LARS1: variants seen among roughly 807,000 people sequenced by gnomAD.
LARS1 encodes leucyl-tRNA synthetase 1, also known as leucine--tRNA ligase, cytoplasmic.
In LARS1, 100 loss-of-function variants were observed where a neutral mutation model predicts 162.8. The ratio of observed to expected loss-of-function variants is 0.61; its 90% confidence interval spans 0.52 to 0.73. The LOEUF is 0.73. LARS1 is among the 30% of genes least tolerant of loss of function. The probability of loss-of-function intolerance (pLI) is 0.00; values close to 1 mark genes in which losing one functional copy is unlikely to be tolerated. For synonymous variants in LARS1, 457 were observed against 462.8 expected (o/e 0.99, Z 0.16); for missense variants, 1,258 against 1,408.9 (o/e 0.89, Z 1.71).
chr5:146,178,390 G>A (rs1282928467), intron 1 of LARS1, among the ~76,000 whole-genome samples: 2 of 152,086 alleles, frequency 1.3e-5, no homozygotes, highest in East Asian at 3.9e-4. Context: ...GAGGTGAGAG[G>A]ATCACCTGAG....
At chr5:146,149,075 CA>C (rs879283325) in intron 15 of LARS1, among the ~76,000 whole-genome samples, 8 of 144,438 alleles carry the variant, frequency 5.5e-5, no homozygotes, top group Middle Eastern at 3.5e-3. Flanking sequence ...AACTCCATCT[CA>C]AAAAAAAAAG....
At chr5:146,141,570 A>G (rs34774165) in intron 20 of LARS1, among the ~76,000 whole-genome samples, 33,822 of 152,006 alleles carry the variant, frequency 0.22, 4,814 homozygotes, top group Admixed American at 0.34. Flanking sequence ...TTGGGAGGCC[A>G]AGACAGGAGG....
chr5:146,148,415 A>G (rs1034167515), intron 15 of LARS1, among the ~76,000 whole-genome samples: 2 of 152,228 alleles, frequency 1.3e-5, no homozygotes, highest in African/African-American at 4.8e-5. Context: ...GTTGGAAAAG[A>G]GTTGAGAAAT....
chr5:146,130,680 T>A (rs943364388), intron 24 of LARS1: 2 of 192,974 alleles, frequency 1.0e-5, no homozygotes, highest in Non-Finnish European at 2.1e-5. Context: ...ACGCTTGCTC[T>A]CAAATTAATG....
At chr5:146,163,133 G>C (rs1268893414) in intron 6 of LARS1, among the ~76,000 whole-genome samples, 1 of 152,148 alleles carries the variant, frequency 6.6e-6, no homozygotes, top group Non-Finnish European at 1.5e-5. Context: ...TTCTATTATG[G>C]AAATGGCTTC....
At position 146,164,446 on chromosome 5, in the gene LARS1, G is replaced by A; in HGVS notation, c.458C>T (p.Ser153Phe). The change falls in exon 6 of 32, where the codon TCT becomes TTT. Residue 153 changes from serine to phenylalanine, a missense_variant. Ser to Phe is a radical substitution (Grantham distance 155, BLOSUM62 -2). Transcript: ENST00000394434. Reference sequence around the variant, plus strand: ...CATAATGCCCCACTGGTATTTAGAAGATCCAGCTTTAGCAGCAGCTTTACT... The same window carrying A: ...CATAATGCCCCACTGGTATTTAGAAAATCCAGCTTTAGCAGCAGCTTTACT... Reference protein sequence around the residue: ...KKSKAAAKAGSSKYQWGIMKS... With the variant: ...KKSKAAAKAGFSKYQWGIMKS... 6.2e-7 allele frequency: 1 copy of A among 1,613,972 alleles called. No individual in the cohort carries two copies. The highest frequency in any genetic ancestry group is 8.5e-7 in the Non-Finnish European group (1 of 1,179,916).
rs1581104255 is a variant in LARS1 at position 146,182,570 on chromosome 5, T to C, written c.-77A>G. 1.9e-6 allele frequency: 3 copies of C among 1,590,552 alleles called. No individual in the cohort carries two copies. The highest frequency in any genetic ancestry group is 4.5e-5 in the East Asian group (2 of 44,732). On this transcript the variant is annotated 5_prime_UTR_variant, in exon 1 of 32. Transcript: ENST00000394434. ...CACAAAGGAGTGGTTACCTTTCCCCTCCCTCTCGGGGATGCCAGGCCTCCC... is the reference window on the plus strand; with the variant it reads ...CACAAAGGAGTGGTTACCTTTCCCCCCCCTCTCGGGGATGCCAGGCCTCCC...
In LARS1 at chr5:146,120,383, G is replaced by A. The variant is rs369437593; in HGVS notation, c.3313C>T (p.Arg1105Ter). The change falls in exon 31 of 32, where the codon CGA becomes TGA. Residue 1105 changes from arginine (R) to a stop codon, truncating the protein, a stop_gained. Coordinates refer to ENST00000394434, the MANE Select transcript of LARS1 (RefSeq NM_020117.11). LOFTEE classifies it high-confidence loss of function. Reference sequence around the variant, plus strand: ...GGGAACAACTTACCTTTAATTCCTCGATTCATTTTCATTAAACGCCTGATT... The same window carrying A: ...GGGAACAACTTACCTTTAATTCCTCAATTCATTTTCATTAAACGCCTGATT... ...SIIRRLMKMN[R>*]GIKDLSKVKL... 9.3e-6 allele frequency: 15 copies of A among 1,612,694 alleles called. No homozygotes were observed. Among genetic ancestry groups the A allele is most frequent in the Middle Eastern group, 1.6e-4 (1 of 6,068 alleles).
chr5:146,151,933 G>A lies in LARS1; in HGVS notation c.1354C>T (p.Gln452Ter). The change falls in exon 14 of 32, where the codon CAG becomes TAG. Residue 452 changes from glutamine to a stop codon, truncating the protein, a stop_gained. Transcript: ENST00000394434. LOFTEE classifies it high-confidence loss of function. The part of the protein sequence containing the change: ...AVTICDELKI[Q>*]SQNDREKLAE... ...AGTTTTTCCCGGTCATTCTGGCTCT[G>A]AATTTTCAACTCATCACAAATGGTT... 1 of 1,614,020 alleles carries A rather than the reference G, an allele frequency of 6.2e-7. No individual in the cohort carries two copies. The highest frequency in any genetic ancestry group is 1.7e-5 in the Admixed American group (1 of 60,006).
At chr5:146,128,643 A>AG (rs1351311207) in intron 27 of LARS1, 29 bp downstream of exon 27, 1 of 1,433,496 alleles carries the variant, frequency 7.0e-7, no homozygotes, top group East Asian at 2.5e-5. Flanking sequence ...CAACACCATC[A>AG]GGGGGGAAAA....
chr5:146,144,193 G>A (rs929776289), intron 18 of LARS1, 74 bp downstream of exon 18: 2 of 1,099,686 alleles, frequency 1.8e-6, no homozygotes, highest in African/African-American at 3.2e-5. Flanking sequence ...GAGGGCAGGG[G>A]GGAAAGGTAA....
intron 2 of LARS1, among the ~76,000 whole-genome samples, chr5:146,173,736 C>T (rs1469270401): frequency 6.6e-6 from 1 of 151,912 alleles, no homozygotes; most frequent in Non-Finnish European, 1.5e-5. Flanking sequence ...ACTTATGAAT[C>T]CACTGAAACT....
At chr5:146,122,890 C>A (rs769471756) in intron 29 of LARS1, among the ~76,000 whole-genome samples, 1 of 151,826 alleles carries the variant, frequency 6.6e-6, no homozygotes. Context: ...CCACTTAAGA[C>A]AAATGGAAGT....
chr5:146,143,023 T>A lies in LARS1; in HGVS notation c.1939A>T (p.Lys647Ter). The change falls in exon 20 of 32, where the codon AAG becomes TAG. Residue 647 changes from lysine to a stop codon, truncating the protein, a stop_gained. Transcript: ENST00000394434. LOFTEE classifies it high-confidence loss of function. ...YVFFKEAPFP[K>*]TQIAKEKLDQ... is the part of the protein sequence containing the mutation. ...AATTTTTCCTTTGCAATCTGAGTCT[T>A]AGGAAATGGAGCCTCCTTGAAGAAA... is the stretch of plus-strand genomic sequence containing the variant. 1 of 1,614,010 alleles carries A rather than the reference T, an allele frequency of 6.2e-7. No individual in the cohort carries two copies. The highest frequency in any genetic ancestry group is 2.2e-5 in the East Asian group (1 of 44,870).
At chr5:146,119,897 TAAG>T (rs1751742529) in intron 31 of LARS1, among the ~76,000 whole-genome samples, 1 of 152,106 alleles carries the variant, frequency 6.6e-6, no homozygotes, top group South Asian at 2.1e-4. Flanking sequence ...AGGGAAATAA[TAAG>T]AATACCCTCT....
At chr5:146,144,754 A>C in intron 15 of LARS1, 45 bp from the exon 16 acceptor site, 1 of 1,494,048 alleles carries the variant, frequency 6.7e-7, no homozygotes, top group Non-Finnish European at 9.3e-7. Flanking sequence ...ATGTCAAATC[A>C]ATCTTCATTC....
intron 27 of LARS1, 29 bp downstream of exon 27, chr5:146,128,643 A>C: frequency 2.8e-6 from 4 of 1,433,498 alleles, no homozygotes; most frequent in Non-Finnish European, 3.8e-6. Flanking sequence ...CAACACCATC[A>C]GGGGGGAAAA....
intron 21 of LARS1, chr5:146,138,263 A>G (rs1224786296): frequency 1.2e-4 from 22 of 189,600 alleles, no homozygotes; most frequent in Non-Finnish European, 3.7e-5. Flanking sequence ...TAATCTGGGG[A>G]AAGGTAACTC....
At position 146,149,669 on chromosome 5, in the gene LARS1, T is replaced by G. The variant is rs2126507614; in HGVS notation, c.1456A>C (p.Lys486Gln). The change falls in exon 15 of 32, where the codon AAG becomes CAG. Residue 486 changes from lysine to glutamine, a missense_variant. By Grantham distance (53) the Lys-to-Gln change is moderately conservative. Coordinates refer to ENST00000394434, the MANE Select transcript of LARS1 (RefSeq NM_020117.11). ...IMLVDGFKGQ[K>Q]VQDVKKTIQK... The stretch of plus-strand genomic sequence containing the variant: ...ATAGTCTTCTTTACATCTTGAACCT[T>G]CTGTCCTTTAAATCCATCCACCAAC... 5 of 1,612,970 alleles carry G rather than the reference T, an allele frequency of 3.1e-6. No individual in the cohort carries two copies. In the East Asian group the frequency reaches 1.1e-4, roughly 36 times the overall value.
Sources: gnomAD v4.1 joint callset for allele counts (sites outside exome capture counted in the v4.1 genomes callset) on GRCh38, gnomAD v4.1.1 for gene constraint, MANE v1.5 for transcripts, NCBI Gene and HGNC (gene_info 2026-07-23, HGNC 2026-07-21) for gene names.